Variants in TRPA1 observed in about 807,000 individuals in gnomAD.
TRPA1 encodes ankyrin-like with transmembrane domains 1.
TRPA1 carries 129 observed loss-of-function variants against 131.3 expected under a neutral mutation model. That is an observed-to-expected ratio of 0.98 (90% CI 0.85 to 1.14). The LOEUF is 1.14. Among genes scored for constraint, TRPA1 ranks in the 50% most tolerant of loss-of-function variants. The pLI is 0.00. For synonymous variants in TRPA1, 441 were observed against 451.7 expected (o/e 0.98, Z 0.30); for missense variants, 1,304 against 1,354.2 (o/e 0.96, Z 0.58).
Position 72,075,369 on chromosome 8 carries a change from T to G in TRPA1, c.41A>C (p.Lys14Thr). 6.2e-7 allele frequency: 1 copy of G among 1,611,754 alleles called. No homozygotes were observed. Among genetic ancestry groups the G allele is most frequent in the Admixed American group, 1.7e-5 (1 of 60,018 alleles). Residue 14 changes from lysine to threonine, a missense_variant, in exon 1 of 27, where the codon AAG becomes ACG. Lys to Thr is a moderately conservative substitution (Grantham distance 78). Coordinates refer to ENST00000262209, the MANE Select transcript of TRPA1 (RefSeq NM_007332.3). ...ATAGACAACGCCCTGGGGCTCCTTC[T>G]TTTCTCCAGGGCGCCACATCTTCCT... Reference protein sequence around the residue: ...SLRKMWRPGEKKEPQGVVYED... With the variant: ...SLRKMWRPGETKEPQGVVYED...
Position 72,055,592 on chromosome 8 carries a change from C to G in TRPA1, c.1373G>C (p.Arg458Pro). Residue 458 changes from arginine to proline, a missense_variant, in exon 12 of 27, where the codon CGT becomes CCT. Physicochemically the swap from Arg to Pro is moderately radical, Grantham distance 103 (BLOSUM62 -2). Transcript: ENST00000262209. ...SPLHFAASYGRINTCQRLLQD... is the reference protein window; with the variant it reads ...SPLHFAASYGPINTCQRLLQD... Reference sequence around the variant, plus strand: ...TAGGAGCCTCTGACAGGTATTGATACGCCCATAACTTGGAAAAAATTAGGT... The same window carrying G: ...TAGGAGCCTCTGACAGGTATTGATAGGCCCATAACTTGGAAAAAATTAGGT... 1.2e-6 allele frequency: 2 copies of G among 1,613,160 alleles called. No individual in the cohort carries two copies. The highest frequency in any genetic ancestry group is 1.7e-6 in the Non-Finnish European group (2 of 1,179,378).
chr8:72,071,790 G>A lies in TRPA1; in HGVS notation c.189C>T (p.Asp63=), dbSNP rs746844890. 5 of 1,613,210 alleles carry A rather than the reference G, an allele frequency of 3.1e-6. No homozygotes were observed. The highest frequency in any genetic ancestry group is 1.7e-5 in the Admixed American group (1 of 59,974). ...CTGCAGCATAATGCAAGAAGAAGGTGTCCATATCGTCACATCTTTTTAATT... is the reference window on the plus strand; with the variant it reads ...CTGCAGCATAATGCAAGAAGAAGGTATCCATATCGTCACATCTTTTTAATT... ...QKKLKRCDDM[D]TFFLHYAAAE... Residue 63 remains aspartate, a synonymous_variant, in exon 2 of 27, where the codon GAC becomes GAT. Coordinates refer to ENST00000262209, the MANE Select transcript of TRPA1 (RefSeq NM_007332.3).
At chr8:72,081,759 G>A in the TRPA1 span, among the ~76,000 whole-genome samples, 1 of 151,462 alleles carries the variant, frequency 6.6e-6, no homozygotes, top group African/African-American at 2.4e-5. Context: ...ATGGTCTTTA[G>A]TAATATTTCT....
At position 72,071,700 on chromosome 8, in the gene TRPA1, T is replaced by C. The variant is rs377249732; in HGVS notation, c.268+11A>G. The C allele has an allele frequency of 2.8e-5, 45 of 1,613,364 alleles. No homozygotes were observed. Among genetic ancestry groups the C allele is most frequent in the South Asian group, 2.2e-5 (2 of 91,052 alleles). On this transcript the variant is annotated intron_variant, in intron 2 of 26. Coordinates refer to ENST00000262209, the MANE Select transcript of TRPA1 (RefSeq NM_007332.3). The stretch of plus-strand genomic sequence containing the variant: ...ATGATTTCTGGAAGATGAATTGTAA[T>C]ATTTTGTTACCTTCCAAAGAGGAAT...
At position 72,063,444 on chromosome 8, in the gene TRPA1, T is replaced by C. The variant is rs1290711682; in HGVS notation, c.661+19A>G. On this transcript the variant is annotated intron_variant, in intron 5 of 26. Transcript: ENST00000262209. ...ATAGACTTATTTATAGTATATAACA[T>C]AGAAAAGCCTCAACTCACCAAACCT... 1.3e-6 allele frequency: 2 copies of C among 1,534,854 alleles called. No homozygotes were observed. The highest frequency in any genetic ancestry group is 1.8e-6 in the Non-Finnish European group (2 of 1,108,686).
chr8:72,072,693 T>A (rs771115097), intron 1 of TRPA1, among the ~76,000 whole-genome samples: 1 of 152,198 alleles, frequency 6.6e-6, no homozygotes, highest in Non-Finnish European at 1.5e-5. Context: ...CTAAATCTAT[T>A]TGGAAGCATT....
In TRPA1 at chr8:72,061,623, G is replaced by A; in HGVS notation, c.944+2C>T. 1 of 1,613,904 alleles carries A rather than the reference G, an allele frequency of 6.2e-7. No individual in the cohort carries two copies. Among genetic ancestry groups the A allele is most frequent in the South Asian group, 1.1e-5 (1 of 91,074 alleles). On this transcript the variant is annotated splice_donor_variant, in intron 7 of 26. Transcript: ENST00000262209. LOFTEE classifies it low-confidence loss of function (GC_TO_GT_DONOR). ...ATACAGAATGATAGGTAGGAAACTT[G>A]CCTGTGAAGCATGGTCTCATGACAT...
At chr8:72,076,991 T>G (rs182404019), upstream of TRPA1, among the ~76,000 whole-genome samples, 2 of 151,986 alleles carry the variant, frequency 1.3e-5, no homozygotes, top group Non-Finnish European at 2.9e-5. Flanking sequence ...AATCCCAGGG[T>G]TGGGTAAAAA....
intron 4 of TRPA1, 83 bp downstream of exon 4, chr8:72,065,368 T>G (rs1191153011): frequency 5.6e-6 from 7 of 1,249,906 alleles, no homozygotes; most frequent in Non-Finnish European, 7.9e-6. Context: ...GAGAAAAACT[T>G]AAGAGATTTT....
In TRPA1 at chr8:72,075,447, C is replaced by CCACGCGCGGG. The variant is rs1223026960; in HGVS notation, c.-39_-38insCCCGCGCGTG. ...GGACGCCACCTGGTGCAGCTGCTCA[C>CCACGCGCGGG]CACGCGCGCGGGCACCTGGGGCGAG... On this transcript the variant is annotated 5_prime_UTR_variant, in exon 1 of 27. Transcript: ENST00000262209. The CCACGCGCGGG allele has an allele frequency of 1.3e-6, 2 of 1,541,222 alleles. No homozygotes were observed. Among genetic ancestry groups the CCACGCGCGGG allele is most frequent in the Non-Finnish European group, 1.8e-6 (2 of 1,124,618 alleles).
chr8:72,045,052 C>T (rs1812381595), intron 17 of TRPA1, among the ~76,000 whole-genome samples: 1 of 151,932 alleles, frequency 6.6e-6, no homozygotes, highest in South Asian at 2.1e-4. Flanking sequence ...AAAACACATA[C>T]ATATGCAACA....
chr8:72,044,798 A>C (rs1205470971), intron 17 of TRPA1, among the ~76,000 whole-genome samples: 2 of 151,922 alleles, frequency 1.3e-5, no homozygotes, highest in African/African-American at 4.8e-5. Flanking sequence ...CTTACAACTA[A>C]AGGAAGGTTT....
rs775947552 is a variant in TRPA1, at chr8:72,062,410, GA to G, written c.807+388del. The G allele has an allele frequency of 7.2e-4, 150 of 208,074 alleles. 2 individuals are homozygous for G. The highest frequency in any genetic ancestry group is 2.1e-3 in the Middle Eastern group (1 of 476). 12.9% of individuals were successfully genotyped at this position (208,074 alleles called of 1,614,324 possible). A position where few individuals can be genotyped will look rare whatever the true frequency, so the allele number is the denominator to read the frequency against. ...CAACACGTTCACATACATATTCTTA[GA>G]AATTAGTTAAGTGGTCCTTAATTTA... On this transcript the variant is annotated intron_variant, in intron 6 of 26. Transcript: ENST00000262209.
chr8:72,052,492 T>G, intron 14 of TRPA1, 107 bp downstream of exon 14: 4 of 1,441,682 alleles, frequency 2.8e-6, no homozygotes, highest in Non-Finnish European at 3.9e-6. Flanking sequence ...TATTTTAAAT[T>G]TTGATTAATG....
rs199630846 is a variant in TRPA1 at position 72,029,879 on chromosome 8, A to G, written c.2937+22T>C. 280 of 1,611,296 alleles carry G rather than the reference A, an allele frequency of 1.7e-4. 1 individual carries two copies. The highest frequency in any genetic ancestry group is 1.4e-4 in the Non-Finnish European group (163 of 1,177,484). On this transcript the variant is annotated intron_variant, in intron 24 of 26. Transcript: ENST00000262209. ...TTTACCAGAAGATAACACTGTAATA[A>G]GTGGGGAGGCACTGCACTTACCTGC...
chr8:72,070,445 C>T (rs1355860168), intron 2 of TRPA1, among the ~76,000 whole-genome samples: 1 of 152,200 alleles, frequency 6.6e-6, no homozygotes, highest in African/African-American at 2.4e-5. Flanking sequence ...GGGATCTATA[C>T]TTACAAACTC....
chr8:72,033,786 A>AAGG lies in TRPA1; in HGVS notation c.2723_2725dup (p.Thr908_Phe909insSer). On this transcript the variant is annotated inframe_insertion, in exon 23 of 27. Coordinates refer to ENST00000262209, the MANE Select transcript of TRPA1 (RefSeq NM_007332.3). ...ATTGATATCTCCTAGCATCATGCTG[A>AAGG]AGGTCTGGATTATAGAAAGCAATGG... 6.2e-7 allele frequency: 1 copy of AAGG among 1,614,106 alleles called. No individual in the cohort carries two copies. The highest frequency in any genetic ancestry group is 1.7e-4 in the Middle Eastern group (1 of 6,060).
Position 72,023,875 on chromosome 8 carries a change from T to C in TRPA1, c.3088A>G (p.Arg1030Gly), listed in dbSNP as rs1320195024. The change falls in exon 26 of 27, where the codon AGA becomes GGA. Residue 1030 changes from arginine to glycine, a missense_variant. By Grantham distance (125) the Arg-to-Gly change is moderately radical. Transcript: ENST00000262209. ...TTATCAGCATTTGGTATTTCTTGTC[T>C]TATTTCCCCAGTGCAAAATAAAAAA... ...FCFLFCTGEI[R>G]QEIPNADKSL... is the part of the protein sequence containing the mutation. 2 of 1,595,326 alleles carry C rather than the reference T, an allele frequency of 1.3e-6. No homozygotes were observed. Among genetic ancestry groups the C allele is most frequent in the African/African-American group, 2.7e-5 (2 of 74,738 alleles).
chr8:72,034,320 C>T lies in TRPA1; in HGVS notation c.2613G>A (p.Leu871=). Reference sequence around the variant, plus strand: ...GGAAGATAAATACAACTGTAGACCTCAACAAAGTTTTCAAAATTACCTCCA... The same window carrying T: ...GGAAGATAAATACAACTGTAGACCTTAACAAAGTTTTCAAAATTACCTCCA... ...VMLEVILKTL[L]RSTVVFIFLL... The change falls in exon 22 of 27, where the codon TTG becomes TTA. Residue 871 remains leucine (L), a synonymous_variant. Transcript: ENST00000262209. The T allele has an allele frequency of 1.3e-6, 2 of 1,587,632 alleles. No homozygotes were observed. The highest frequency in any genetic ancestry group is 1.7e-6 in the Non-Finnish European group (2 of 1,165,588).
Sources: allele counts gnomAD v4.1 joint callset (sites outside exome capture counted in the v4.1 genomes callset), GRCh38; gene constraint gnomAD v4.1.1; transcripts MANE v1.5; gene names NCBI Gene and HGNC (gene_info 2026-07-23, HGNC 2026-07-21).